NUP155: variants seen among roughly 807,000 people sequenced by gnomAD.
NUP155 encodes the protein nucleoporin 155.
A neutral mutation model predicts 180.4 loss-of-function variants in NUP155; 71 were observed. The observed-to-expected ratio is 0.39, with a 90% CI of 0.33 to 0.48. The LOEUF is 0.48. Ranked by LOEUF, NUP155 falls within the 20% of genes least tolerant of loss-of-function variation. The probability of loss-of-function intolerance (pLI) is 0.91; values close to 1 mark genes in which losing one functional copy is unlikely to be tolerated. For synonymous variants in NUP155, 582 were observed against 559.5 expected, an observed-to-expected ratio of 1.04 and a Z score of -0.57; for missense variants, 1,553 against 1,648.9, an observed-to-expected ratio of 0.94 and a Z score of 1.01.
In NUP155 at chr5:37,364,032, T is replaced by C. The variant is rs1561817234; in HGVS notation, c.296-48A>G. The C allele has an allele frequency of 2.2e-6, 3 of 1,392,834 alleles. No homozygotes were observed. In the Admixed American group the frequency reaches 5.1e-5, roughly 23 times the overall value. 86.3% of individuals were successfully genotyped at this position (1,392,834 alleles called of 1,614,324 possible). On this transcript the variant is annotated intron_variant, in intron 2 of 34. Transcript: ENST00000231498. ...CAGACAGAGGTGAATCTTATTCTTC[T>C]TTAACTTGTTTCAATAGCTTTTGAC...
At chr5:37,358,981 A>T (rs940975887) in intron 3 of NUP155, among the ~76,000 whole-genome samples, 6 of 149,872 alleles carry the variant, frequency 4.0e-5, no homozygotes, top group East Asian at 2.0e-4. Flanking sequence ...ACACCACTGC[A>T]CTCCAGCCTG....
intron 11 of NUP155, among the ~76,000 whole-genome samples, chr5:37,338,500 G>A (rs187695407): frequency 0.062 from 9,304 of 149,160 alleles, 934 homozygotes; most frequent in African/African-American, 0.21. Context: ...TCCGCCTCCT[G>A]GGTTCACGTC....
intron 33 of NUP155, 166 bp from the exon 34 acceptor site, chr5:37,293,151 T>C: frequency 1.7e-6 from 1 of 590,582 alleles, no homozygotes. Flanking sequence ...AGTTAATATT[T>C]CAAACAACAT....
chr5:37,311,841 G>A (rs887316445), intron 22 of NUP155, among the ~76,000 whole-genome samples: 11 of 152,024 alleles, frequency 7.2e-5, no homozygotes, highest in Admixed American at 6.6e-4. Flanking sequence ...CCAACATGGC[G>A]AAACCCGGTC....
intron 21 of NUP155, among the ~76,000 whole-genome samples, chr5:37,316,756 C>T (rs1301459691): frequency 2.0e-5 from 3 of 151,856 alleles, no homozygotes; most frequent in Non-Finnish European, 1.5e-5. Flanking sequence ...AGAGCCACTG[C>T]GCCCAGCCCA....
intron 3 of NUP155, among the ~76,000 whole-genome samples, chr5:37,361,766 A>C (rs980051890): frequency 6.6e-6 from 1 of 152,228 alleles, no homozygotes; most frequent in East Asian, 1.9e-4. Flanking sequence ...AAATAAGTAC[A>C]TTCTTCAAAT....
rs963835110 is a variant in NUP155 at position 37,368,246 on chromosome 5, G to T, written c.157+2575C>A. 3.3e-5 allele frequency among the ~76,000 whole-genome samples: 4 copies of T among 121,062 alleles called. No individual in the cohort carries two copies. In the Admixed American group the frequency reaches 3.4e-4, roughly 10 times the overall value. 79.4% of individuals were successfully genotyped at this position (121,062 alleles called of 152,430 possible). A position where few individuals can be genotyped will look rare whatever the true frequency, so the allele number is the denominator to read the frequency against. ...TTTTTTTTTTTTTTTTTGAGACAGG[G>T]TCTCACTCTGTTGCCCAGGCTGGAG... On this transcript the variant is annotated intron_variant, in intron 1 of 34. Transcript: ENST00000231498.
intron 20 of NUP155, among the ~76,000 whole-genome samples, chr5:37,322,561 G>C (rs1277266433): frequency 6.6e-6 from 1 of 152,094 alleles, no homozygotes; most frequent in East Asian, 1.9e-4. Context: ...CAAAGAATTA[G>C]CTGGGTGTGG....
chr5:37,326,072 T>C, intron 18 of NUP155, 105 bp from the exon 19 acceptor site: 1 of 827,430 alleles, frequency 1.2e-6, no homozygotes, highest in Non-Finnish European at 2.0e-6. Flanking sequence ...TTTTAAAACT[T>C]GCAGTGGTTT....
chr5:37,328,654 C>A (rs1026303235), intron 16 of NUP155, among the ~76,000 whole-genome samples: 8 of 152,132 alleles, frequency 5.3e-5, no homozygotes, highest in South Asian at 2.1e-4. Context: ...CAGGCTCACA[C>A]CACCACAGGC....
At chr5:37,351,121 A>G in intron 6 of NUP155, 69 bp downstream of exon 6, 1 of 1,244,614 alleles carries the variant, frequency 8.0e-7, no homozygotes, top group Non-Finnish European at 1.2e-6. Context: ...ATTAGAAAAC[A>G]AAATAAAGGC....
chr5:37,331,614 A>G (rs1238759792), intron 14 of NUP155, 71 bp downstream of exon 14: 1 of 808,340 alleles, frequency 1.2e-6, no homozygotes, highest in Non-Finnish European at 2.0e-6. Context: ...TCCAGTCCCA[A>G]TTTACATAAA....
intron 19 of NUP155, among the ~76,000 whole-genome samples, chr5:37,325,558 T>C (rs1313629979): frequency 1.3e-5 from 2 of 151,980 alleles, no homozygotes; most frequent in African/African-American, 2.4e-5. Context: ...TGCTTGAGTC[T>C]AGGAGTTTGA....
Position 37,309,469 on chromosome 5 carries a change from A to G in NUP155, c.2629-202T>C, listed in dbSNP as rs41270329. 745 of 541,756 alleles carry G rather than the reference A, an allele frequency of 1.4e-3. 2 individuals are homozygous for G. The highest frequency in any genetic ancestry group is 1.9e-3 in the Non-Finnish European group (589 of 305,840). The allele number at this position is 541,756 out of a possible 1,614,324, so 33.6% of individuals were successfully genotyped here. On this transcript the variant is annotated intron_variant, in intron 23 of 34. Coordinates refer to ENST00000231498, the MANE Select transcript of NUP155 (RefSeq NM_153485.3). ...TAGCTATTCTTAATTCCTCTCCCAA[A>G]TATGTTAAGCAAGAGAACTTTTGTC...
intron 6 of NUP155, among the ~76,000 whole-genome samples, chr5:37,350,578 T>A (rs1022797941): frequency 5.3e-5 from 8 of 152,010 alleles, no homozygotes; most frequent in Middle Eastern, 3.4e-3. Context: ...CCAAGGCAGG[T>A]GGATCATTTG....
Position 37,292,934 on chromosome 5 carries a change from G to A in NUP155, c.3982C>T (p.His1328Tyr). Residue 1328 changes from histidine to tyrosine, a missense_variant, in exon 34 of 35, where the codon CAT becomes TAT. Physicochemically the swap from His to Tyr is moderately conservative, Grantham distance 83. Coordinates refer to ENST00000231498, the MANE Select transcript of NUP155 (RefSeq NM_153485.3). The stretch of plus-strand genomic sequence containing the variant: ...TCAACATATCTTATCAATAATACAT[G>A]TATACAATCCAAAAGGTGCAGTGGC... ...KKPLHLLDCI[H>Y]VLLIRYVENP... 1 of 1,612,488 alleles carries A rather than the reference G, an allele frequency of 6.2e-7. No individual in the cohort carries two copies. The highest frequency in any genetic ancestry group is 8.5e-7 in the Non-Finnish European group (1 of 1,178,924).
intron 7 of NUP155, among the ~76,000 whole-genome samples, 159 bp downstream of exon 7, chr5:37,350,001 T>C (rs1746354759): frequency 2.0e-5 from 3 of 152,230 alleles, no homozygotes; most frequent in Non-Finnish European, 2.9e-5. Flanking sequence ...CTCTAGGTTA[T>C]GATCTCCTTA....
chr5:37,320,064 A>G (rs972839724), intron 20 of NUP155, among the ~76,000 whole-genome samples: 1 of 152,150 alleles, frequency 6.6e-6, no homozygotes, highest in Non-Finnish European at 1.5e-5. Flanking sequence ...ACATGCCTGT[A>G]GCCCCAGCTA....
At chr5:37,336,126 C>T (rs112839465) in intron 12 of NUP155, among the ~76,000 whole-genome samples, 2,027 of 152,050 alleles carry the variant, frequency 0.013, 42 homozygotes, top group African/African-American at 0.046. Flanking sequence ...CAAAAGTCCA[C>T]CTTTGTTTGA....
Sources: allele counts gnomAD v4.1 joint callset (sites outside exome capture counted in the v4.1 genomes callset), GRCh38; gene constraint gnomAD v4.1.1; transcripts MANE v1.5; gene names NCBI Gene and HGNC (gene_info 2026-07-23, HGNC 2026-07-21).